The following SIK3 variants were observed in gnomAD, a reference collection of about 807,000 sequenced individuals.
SIK3 encodes the protein SIK family kinase 3.
A neutral mutation model predicts 144.2 loss-of-function variants in SIK3; 28 were observed. That is an observed-to-expected ratio of 0.19 (90% CI 0.14 to 0.27). The LOEUF is 0.27. Ranked by LOEUF, SIK3 falls within the 10% of genes least tolerant of loss-of-function variation. The pLI is 1.00. For missense variants in SIK3, 1,319 were observed against 1,776.0 expected (o/e 0.74, Z 4.62); for synonymous variants, 686 against 676.3 (o/e 1.01, Z -0.22).
At chr11:117,039,178 T>C (rs1352282372) in intron 1 of SIK3, among the ~76,000 whole-genome samples, 1 of 152,218 alleles carries the variant, frequency 6.6e-6, no homozygotes, top group Admixed American at 6.5e-5. Context: ...GGCTGTCATT[T>C]AAAAGAAAAA....
chr11:116,876,469 T>C (rs1258219469), intron 7 of SIK3, 106 bp from the exon 8 acceptor site: 2 of 928,788 alleles, frequency 2.2e-6, no homozygotes, highest in Admixed American at 4.0e-5. Context: ...GCTTGGGATA[T>C]TTTTGGCCTC....
At chr11:116,984,395 G>A (rs549684151) in intron 1 of SIK3, among the ~76,000 whole-genome samples, 1 of 152,234 alleles carries the variant, frequency 6.6e-6, no homozygotes, top group East Asian at 1.9e-4. Context: ...AAGGGGAAAG[G>A]CTACATGGAT....
At position 117,065,151 on chromosome 11, in the gene SIK3, AAAT is replaced by A. The variant is rs777093403; in HGVS notation, c.273+32989_273+32991del. Among the ~76,000 whole-genome samples the A allele has an allele frequency of 7.8e-3, 1,169 of 149,956 alleles. 13 individuals are homozygous for A. The highest frequency in any genetic ancestry group is 0.024 in the African/African-American group (970 of 41,030). ...GTGACACAGGGAGACTCCATCTCAA[AAAT>A]AATAATAATAATAATAATAACAATA... On this transcript the variant is annotated intron_variant, in intron 1 of 24. Coordinates refer to ENST00000445177, the MANE Select transcript of SIK3 (RefSeq NM_001366686.3).
chr11:116,966,236 T>A (rs11601142), intron 1 of SIK3, among the ~76,000 whole-genome samples: 19 of 151,898 alleles, frequency 1.3e-4, no homozygotes, highest in East Asian at 5.8e-4. Flanking sequence ...CTACAAAAAA[T>A]TTTTTAAAAA....
intron 4 of SIK3, among the ~76,000 whole-genome samples, chr11:116,905,523 T>G (rs1322164477): frequency 6.6e-6 from 1 of 152,226 alleles, no homozygotes; most frequent in Non-Finnish European, 1.5e-5. Context: ...TTAGGAAGTA[T>G]CCAAACTGCT....
At chr11:116,953,407 T>C (rs1222719384) in intron 3 of SIK3, among the ~76,000 whole-genome samples, 1 of 152,192 alleles carries the variant, frequency 6.6e-6, no homozygotes, top group Non-Finnish European at 1.5e-5. Context: ...CTTGGCTCCA[T>C]TTATCACTGT....
rs367573448 is a variant in SIK3 at position 117,023,597 on chromosome 11, CAAACAAACAAACAAAA to C, written c.274-66549_274-66534del. Among the ~76,000 whole-genome samples the C allele has an allele frequency of 8.8e-3, 338 of 38,240 alleles. 2 individuals carry two copies. The highest frequency in any genetic ancestry group is 0.05 in the African/African-American group (278 of 5,582). 25.1% of individuals were successfully genotyped at this position (38,240 alleles called of 152,430 possible). A position where few individuals can be genotyped will look rare whatever the true frequency, so the allele number is the denominator to read the frequency against. ...ATATTCTTAAAAACAAACAAACAAA[CAAACAAACAAACAAAA>C]AAAAAAAAATATATATATATATATA... On this transcript the variant is annotated intron_variant, in intron 1 of 24. Transcript: ENST00000445177.
chr11:116,975,775 C>T (rs1306939572), intron 1 of SIK3, among the ~76,000 whole-genome samples: 1 of 152,136 alleles, frequency 6.6e-6, no homozygotes, highest in Non-Finnish European at 1.5e-5. Context: ...TTTTTTGGAA[C>T]ATTAAACATT....
intron 1 of SIK3, among the ~76,000 whole-genome samples, chr11:116,992,326 C>G (rs606343): frequency 7.6e-6 from 1 of 131,310 alleles, no homozygotes; most frequent in African/African-American, 3.0e-5. Flanking sequence ...CCCCCCCCCC[C>G]AAAAAAAAAC....
chr11:116,974,120 C>G (rs1156428928), intron 1 of SIK3, among the ~76,000 whole-genome samples: 1 of 152,218 alleles, frequency 6.6e-6, no homozygotes, highest in Non-Finnish European at 1.5e-5. Flanking sequence ...TTTGGGACCT[C>G]TGTACTGTAT....
chr11:116,973,695 T>G (rs1283279606), intron 1 of SIK3, among the ~76,000 whole-genome samples: 1 of 152,204 alleles, frequency 6.6e-6, no homozygotes, highest in Non-Finnish European at 1.5e-5. Flanking sequence ...TAAGTCATGT[T>G]GATAGTATGT....
chr11:117,071,306 T>C (rs1954270360), intron 1 of SIK3, among the ~76,000 whole-genome samples: 2 of 151,962 alleles, frequency 1.3e-5, no homozygotes, highest in African/African-American at 2.4e-5. Flanking sequence ...AAATGCTAAA[T>C]TGTATGAATC....
chr11:116,950,075 A>G, intron 3 of SIK3: 1 of 469,622 alleles, frequency 2.1e-6, no homozygotes, highest in Non-Finnish European at 4.4e-6. Context: ...AAGACAGTGA[A>G]ACCACTGTCT....
chr11:117,012,806 T>C (rs74941472), intron 1 of SIK3, among the ~76,000 whole-genome samples: 2 of 148,314 alleles, frequency 1.3e-5, no homozygotes, highest in Admixed American at 6.7e-5. Context: ...CACTGACTCA[T>C]AATATATTGA....
At chr11:116,966,942 T>C (rs367694157) in intron 1 of SIK3, among the ~76,000 whole-genome samples, 1 of 143,186 alleles carries the variant, frequency 7.0e-6, no homozygotes, top group Non-Finnish European at 1.5e-5. Flanking sequence ...AAGGTGGAGG[T>C]TGCAGTGAGT....
chr11:117,058,801 G>T (rs1953664655), intron 1 of SIK3, among the ~76,000 whole-genome samples: 1 of 152,138 alleles, frequency 6.6e-6, no homozygotes, highest in African/African-American at 2.4e-5. Flanking sequence ...ATTAGCAAAA[G>T]AACAAATTAA....
At chr11:116,954,317 C>T (rs1281502441) in intron 2 of SIK3, among the ~76,000 whole-genome samples, 2 of 152,094 alleles carry the variant, frequency 1.3e-5, no homozygotes, top group Non-Finnish European at 2.9e-5. Flanking sequence ...AAGTAGGAAA[C>T]ATTTATTGCT....
intron 4 of SIK3, among the ~76,000 whole-genome samples, chr11:116,897,744 G>A (rs113660476): frequency 4.6e-5 from 7 of 152,156 alleles, no homozygotes; most frequent in South Asian, 2.1e-4. Flanking sequence ...TTAGCCGGGC[G>A]TGGTGGCGTG....
chr11:117,003,466 G>A (rs1950929853), intron 1 of SIK3, among the ~76,000 whole-genome samples: 1 of 151,992 alleles, frequency 6.6e-6, no homozygotes, highest in African/African-American at 2.4e-5. Flanking sequence ...ACCTCATAAG[G>A]TTGTTCTCAG....
Sources: allele counts gnomAD v4.1 joint callset (sites outside exome capture counted in the v4.1 genomes callset), GRCh38; gene constraint gnomAD v4.1.1; transcripts MANE v1.5; gene names NCBI Gene and HGNC (gene_info 2026-07-23, HGNC 2026-07-21).